Variants in SDE2 observed in about 807,000 individuals in gnomAD.
SDE2 encodes splicing regulator SDE2.
SDE2 carries 31 observed loss-of-function variants against 46.9 expected under a neutral mutation model. That is an observed-to-expected ratio of 0.66 (90% CI 0.50 to 0.89). The LOEUF (loss-of-function observed/expected upper bound fraction) is 0.89. Among genes scored for constraint, SDE2 ranks in the 40% least tolerant of loss-of-function variants. The pLI is 0.00. For missense variants in SDE2, 542 were observed against 564.4 expected (o/e 0.96, Z 0.40); for synonymous variants, 205 against 204.3 (o/e 1.00, Z -0.03).
At chr1:225,998,413 G>C (rs1656580950) in intron 1 of SDE2, among the ~76,000 whole-genome samples, 1 of 152,212 alleles carries the variant, frequency 6.6e-6, no homozygotes, top group Non-Finnish European at 1.5e-5. Context: ...GCCGAGGAAA[G>C]CACGGATGAG....
intron 2 of SDE2, among the ~76,000 whole-genome samples, chr1:225,993,576 C>G (rs1450645068): frequency 6.6e-6 from 1 of 151,574 alleles, no homozygotes; most frequent in African/African-American, 2.4e-5. Flanking sequence ...CGTGCCACTG[C>G]ACTCCAGCCT....
At chr1:225,992,111 A>G (rs1413359604) in intron 4 of SDE2, among the ~76,000 whole-genome samples, 1 of 151,658 alleles carries the variant, frequency 6.6e-6, no homozygotes, top group African/African-American at 2.4e-5. Context: ...CCCAGGAGGC[A>G]GACGTTGCAG....
chr1:225,993,098 T>C (rs988923549), intron 2 of SDE2, 96 bp from the exon 3 acceptor site: 5 of 547,002 alleles, frequency 9.1e-6, no homozygotes, highest in African/African-American at 6.2e-5. Context: ...AGATTAACAA[T>C]GATCTCTACT....
At chr1:225,990,090 C>T (rs1393458720) in intron 5 of SDE2, among the ~76,000 whole-genome samples, 1 of 145,178 alleles carries the variant, frequency 6.9e-6, no homozygotes, top group Non-Finnish European at 1.5e-5. Context: ...AAAAAAAAAA[C>T]ACACACAAAA....
In SDE2 at chr1:225,999,251, C is replaced by T. The variant is rs1454865382; in HGVS notation, c.62G>A (p.Arg21Gln). 1.2e-6 allele frequency: 2 copies of T among 1,613,294 alleles called. No homozygotes were observed. The highest frequency in any genetic ancestry group is 1.7e-6 in the Non-Finnish European group (2 of 1,179,840). The change falls in exon 1 of 7, where the codon CGG (arginine) becomes CAG (glutamine). Residue 21 changes from arginine (R) to glutamine (Q), a missense_variant. Around this residue, in one of 3 missense-constraint regions of SDE2, gnomAD observed 135 missense variants for 106.5 expected, o/e 1.27. Coordinates refer to ENST00000272091, the MANE Select transcript of SDE2 (RefSeq NM_152608.4). ...RGPGFGCKAV[R>Q]CASGRCTVRD... The stretch of plus-strand genomic sequence containing the variant: ...GACGGTGCACCGACCCGAGGCACAC[C>T]GCACCGCCTTGCACCCGAAGCCAGG...
chr1:225,991,417 A>G, intron 4 of SDE2, 54 bp from the exon 5 acceptor site: 1 of 1,440,578 alleles, frequency 6.9e-7, no homozygotes, highest in South Asian at 1.2e-5. Context: ...AGTTTAAAGA[A>G]ATCATAAATA....
rs1343769140 is a variant in SDE2, at chr1:225,985,196, A to G, written c.*106T>C. The G allele has an allele frequency of 1.2e-6, 1 of 848,008 alleles. No homozygotes were observed. Among genetic ancestry groups the G allele is most frequent in the African/African-American group, 1.7e-5 (1 of 59,312 alleles). The allele number at this position is 848,008 out of a possible 1,614,324, so 52.5% of individuals were successfully genotyped here. A position where few individuals can be genotyped will look rare whatever the true frequency, so the allele number is the denominator to read the frequency against. ...AGGGGATAGTTAGAATTGGGTTACTAAAAAGTTAGCTTTTAATATCAACAG... is the reference window on the plus strand; with the variant it reads ...AGGGGATAGTTAGAATTGGGTTACTGAAAAGTTAGCTTTTAATATCAACAG... On this transcript the variant is annotated 3_prime_UTR_variant, in exon 7 of 7. Transcript: ENST00000272091.
At chr1:225,989,293 CAAA>C (rs58512006) in intron 5 of SDE2, among the ~76,000 whole-genome samples, 6,050 of 130,240 alleles carry the variant, frequency 0.046, 322 homozygotes, top group East Asian at 0.12. Context: ...AAGACTGTCT[CAAA>C]AAAAAAAAAA....
At chr1:225,987,171 G>A (rs967363863) in intron 6 of SDE2, among the ~76,000 whole-genome samples, 1 of 152,182 alleles carries the variant, frequency 6.6e-6, no homozygotes, top group African/African-American at 2.4e-5. Context: ...AACCTCCTGA[G>A]TAGCTGGGAT....
At chr1:225,999,097 A>G in intron 1 of SDE2, 96 bp downstream of exon 1, 1 of 978,450 alleles carries the variant, frequency 1.0e-6, no homozygotes, top group Non-Finnish European at 1.6e-6. Flanking sequence ...AACCCCAGAG[A>G]ATAAACGTAC....
intron 6 of SDE2, among the ~76,000 whole-genome samples, chr1:225,986,840 TTTAC>T (rs1414895578): frequency 6.6e-6 from 1 of 152,200 alleles, no homozygotes; most frequent in East Asian, 1.9e-4. Flanking sequence ...TTTATGCATT[TTTAC>T]TTACTTACTG....
chr1:225,993,756 T>C (rs1010636838), intron 2 of SDE2, among the ~76,000 whole-genome samples: 5 of 152,178 alleles, frequency 3.3e-5, no homozygotes, highest in Non-Finnish European at 5.9e-5. Flanking sequence ...ACATGCTTCA[T>C]TCATTCATTC....
In SDE2 at chr1:225,983,368, A is replaced by C. The variant is rs1656197498; in HGVS notation, c.*1934T>G. On this transcript the variant is annotated 3_prime_UTR_variant, in exon 7 of 7. Transcript: ENST00000272091. ...TAAGTTATTAGAGCTTCATACAAAA[A>C]CTGGTAGAATTTAAGAAATAGACAA... 6.6e-6 allele frequency: 1 copy of C among 152,212 alleles called. No homozygotes were observed. Among genetic ancestry groups the C allele is most frequent in the African/African-American group, 2.4e-5 (1 of 41,450 alleles). 9.4% of individuals were successfully genotyped at this position (152,212 alleles called of 1,614,324 possible). A position where few individuals can be genotyped will look rare whatever the true frequency, so the allele number is the denominator to read the frequency against.
chr1:225,990,075 CAAA>C (rs776282584), intron 5 of SDE2, among the ~76,000 whole-genome samples: 2 of 114,458 alleles, frequency 1.7e-5, no homozygotes, highest in East Asian at 2.6e-4. Flanking sequence ...GAACCTGTCT[CAAA>C]AAAAAAAAAA....
intron 5 of SDE2, among the ~76,000 whole-genome samples, chr1:225,988,908 T>C (rs896203656): frequency 2.0e-5 from 3 of 152,214 alleles, no homozygotes; most frequent in South Asian, 4.1e-4. Context: ...GAGGATCTCC[T>C]TTCTAAAGTC....
intron 5 of SDE2, among the ~76,000 whole-genome samples, chr1:225,990,777 G>C (rs1010949702): frequency 1.3e-5 from 2 of 152,160 alleles, no homozygotes; most frequent in South Asian, 2.1e-4. Context: ...GGACCAACTA[G>C]AGGGACAAGA....
At chr1:225,993,447 TA>T (rs1160540192) in intron 2 of SDE2, among the ~76,000 whole-genome samples, 1 of 151,892 alleles carries the variant, frequency 6.6e-6, no homozygotes, top group African/African-American at 2.4e-5. Flanking sequence ...CCGTCTCTAC[TA>T]AAAAATACAA....
At chr1:225,988,519 A>C in intron 5 of SDE2, 131 bp from the exon 6 acceptor site, 3 of 823,630 alleles carry the variant, frequency 3.6e-6, no homozygotes, top group South Asian at 3.4e-5. Context: ...TCACGAAGTC[A>C]GTAGTTTGAG....
At chr1:225,988,637 G>A (rs559851742) in intron 5 of SDE2, among the ~76,000 whole-genome samples, 1 of 152,300 alleles carries the variant, frequency 6.6e-6, no homozygotes, top group East Asian at 1.9e-4. Flanking sequence ...GCTGAGGCAG[G>A]AGAATCACCT....
Sources: allele counts gnomAD v4.1 joint callset (sites outside exome capture counted in the v4.1 genomes callset), GRCh38; gene constraint gnomAD v4.1.1; regional missense constraint gnomAD v4.1.1; transcripts MANE v1.5; gene names NCBI Gene and HGNC (gene_info 2026-07-23, HGNC 2026-07-21).